Variants in MTNR1B observed in about 807,000 individuals in gnomAD.
MTNR1B encodes the protein melatonin receptor 1B.
Under a neutral mutation model 7.0 loss-of-function variants are expected in MTNR1B, and 7 were observed. The observed-to-expected ratio is 1.00, with a 90% CI of 0.57 to 1.88. MTNR1B has a LOEUF of 1.88. Ranked by LOEUF, MTNR1B falls within the 40% of genes most tolerant of loss-of-function variation. The pLI, the probability that MTNR1B is intolerant of heterozygous loss-of-function variation, is 0.00. For synonymous variants in MTNR1B, 226 were observed against 208.2 expected, an observed-to-expected ratio of 1.09 and a Z score of -0.74; for missense variants, 478 against 486.5, an observed-to-expected ratio of 0.98 and a Z score of 0.16.
At chr11:92,977,665 C>A (rs1053078426) in intron 1 of MTNR1B, among the ~76,000 whole-genome samples, 1 of 152,178 alleles carries the variant, frequency 6.6e-6, no homozygotes, top group African/African-American at 2.4e-5. Context: ...TTGTTCTGGC[C>A]TTTCTTCCAG....
chr11:92,975,342 G>A (rs771902157), intron 1 of MTNR1B, among the ~76,000 whole-genome samples: 36 of 152,214 alleles, frequency 2.4e-4, no homozygotes, highest in Non-Finnish European at 5.1e-4. Flanking sequence ...GAGGTTTAGT[G>A]AGTGCACGAA....
At chr11:92,978,240 A>G (rs1268951651) in intron 1 of MTNR1B, among the ~76,000 whole-genome samples, 1 of 152,202 alleles carries the variant, frequency 6.6e-6, no homozygotes, top group Non-Finnish European at 1.5e-5. Context: ...GCTCTTTCCT[A>G]GATTACCAGA....
chr11:92,969,894 G>A lies in MTNR1B; in HGVS notation c.169G>A (p.Gly57Ser). 1.2e-6 allele frequency: 2 copies of A among 1,612,390 alleles called. No individual in the cohort carries two copies. Among genetic ancestry groups the A allele is most frequent in the Non-Finnish European group, 8.5e-7 (1 of 1,179,678 alleles). The change falls in exon 1 of 2, where the codon GGC becomes AGC. Residue 57 changes from glycine (G) to serine (S), a missense_variant. Transcript: ENST00000257068. ...LIVTTAVDVVGNLLVILSVLR... is the reference protein window; with the variant it reads ...LIVTTAVDVVSNLLVILSVLR... ...CGTCACCACCGCCGTGGACGTCGTG[G>A]GCAACCTCCTGGTGATCCTCTCCGT... is the stretch of plus-strand genomic sequence containing the variant.
chr11:92,970,363 T>C (rs1857905595), intron 1 of MTNR1B, among the ~76,000 whole-genome samples: 1 of 152,220 alleles, frequency 6.6e-6, no homozygotes, highest in Non-Finnish European at 1.5e-5. Flanking sequence ...TAGCTTTATG[T>C]AGTAGTCGCT....
At chr11:92,972,692 G>C in intron 1 of MTNR1B, 2 of 372,092 alleles carry the variant, frequency 5.4e-6, no homozygotes, top group Admixed American at 6.4e-5. Flanking sequence ...GCTTCCCAGG[G>C]ACTTGCCACA....
intron 1 of MTNR1B, among the ~76,000 whole-genome samples, chr11:92,970,358 T>A (rs1173001064): frequency 6.6e-6 from 1 of 152,294 alleles, no homozygotes; most frequent in Non-Finnish European, 1.5e-5. Flanking sequence ...CACTGTAGCT[T>A]TATGTAGTAG....
In MTNR1B at chr11:92,981,957, G is replaced by A. The variant is rs757101924; in HGVS notation, c.734G>A (p.Ser245Asn). Residue 245 changes from serine to asparagine, a missense_variant, in exon 2 of 2, where the codon AGC (serine) becomes AAC (asparagine). By Grantham distance (46) the Ser-to-Asn change is conservative. Coordinates refer to ENST00000257068, the MANE Select transcript of MTNR1B (RefSeq NM_005959.5). ...KPESRLCLKP[S>N]DLRSFLTMFV... ...GAGAGCAGGCTGTGCCTGAAGCCCAGCGACTTGCGGAGCTTTCTAACCATG... is the reference window on the plus strand; with the variant it reads ...GAGAGCAGGCTGTGCCTGAAGCCCAACGACTTGCGGAGCTTTCTAACCATG... 6.2e-7 allele frequency: 1 copy of A among 1,614,238 alleles called. No homozygotes were observed. Among genetic ancestry groups the A allele is most frequent in the South Asian group, 1.1e-5 (1 of 91,090 alleles).
chr11:92,970,029 G>A (rs1857900495), intron 1 of MTNR1B, 81 bp downstream of exon 1: 3 of 1,391,468 alleles, frequency 2.2e-6, no homozygotes, highest in Admixed American at 2.4e-5. Context: ...CGGGATATGC[G>A]CTGCCTTTTC....
intron 1 of MTNR1B, among the ~76,000 whole-genome samples, chr11:92,976,864 G>A (rs1460878767): frequency 6.6e-6 from 1 of 152,128 alleles, no homozygotes; most frequent in Admixed American, 6.5e-5. Flanking sequence ...CACAAACTGG[G>A]TGTCTGTTTC....
Position 92,969,664 on chromosome 11 carries a change from C to T in MTNR1B, c.-62C>T, listed in dbSNP as rs1857887480. On this transcript the variant is annotated 5_prime_UTR_variant, in exon 1 of 2. Transcript: ENST00000257068. Reference sequence around the variant, plus strand: ...GAAGAGAGCGCCCGGCTCAGTACTGCGCGCGCCCTGCGGCTGTCCGGGGCC... The same window carrying T: ...GAAGAGAGCGCCCGGCTCAGTACTGTGCGCGCCCTGCGGCTGTCCGGGGCC... 3.6e-6 allele frequency: 5 copies of T among 1,370,222 alleles called. No individual in the cohort carries two copies. The highest frequency in any genetic ancestry group is 5.8e-5 in the East Asian group (2 of 34,296). 84.9% of individuals were successfully genotyped at this position (1,370,222 alleles called of 1,614,324 possible). A position where few individuals can be genotyped will look rare whatever the true frequency, so the allele number is the denominator to read the frequency against.
chr11:92,978,370 T>C (rs187558502), intron 1 of MTNR1B, among the ~76,000 whole-genome samples: 185 of 152,356 alleles, frequency 1.2e-3, no homozygotes, highest in African/African-American at 4.3e-3. Flanking sequence ...GGGGATTCCA[T>C]GTTAGTAAAC....
In MTNR1B at chr11:92,969,869, C is replaced by G. The variant is rs144231044; in HGVS notation, c.144C>G (p.Ile48Met). ...CTCCAGCGCTGTCCGCGGTGCTCAT[C>G]GTCACCACCGCCGTGGACGTCGTGG... ...WVAPALSAVL[I>M]VTTAVDVVGN... Residue 48 changes from isoleucine to methionine, a missense_variant, in exon 1 of 2, where the codon ATC becomes ATG. Ile to Met is a conservative substitution (Grantham distance 10). Coordinates refer to ENST00000257068, the MANE Select transcript of MTNR1B (RefSeq NM_005959.5). 3 of 1,611,854 alleles carry G rather than the reference C, an allele frequency of 1.9e-6. No individual in the cohort carries two copies. In the Admixed American group the frequency reaches 5.0e-5, roughly 27 times the overall value.
At chr11:92,976,664 C>CTTG (rs1842084285) in intron 1 of MTNR1B, among the ~76,000 whole-genome samples, 1 of 152,204 alleles carries the variant, frequency 6.6e-6, no homozygotes, top group African/African-American at 2.4e-5. Flanking sequence ...AGAATTTGTT[C>CTTG]TTGTTAATGT....
At position 92,982,654 on chromosome 11, in the gene MTNR1B, C is replaced by T; in HGVS notation, c.*342C>T. 2 of 292,832 alleles carry T rather than the reference C, an allele frequency of 6.8e-6. No homozygotes were observed. The highest frequency in any genetic ancestry group is 1.3e-5 in the Non-Finnish European group (2 of 157,492). The allele number at this position is 292,832 out of a possible 1,614,324, so 18.1% of individuals were successfully genotyped here. A position where few individuals can be genotyped will look rare whatever the true frequency, so the allele number is the denominator to read the frequency against. On this transcript the variant is annotated 3_prime_UTR_variant, in exon 2 of 2. Transcript: ENST00000257068. ...GACCCTCATCCTCCTGCCTTGGCCT[C>T]CTGGCTGCTTTCTCCCCTTCCCCCC... is the stretch of plus-strand genomic sequence containing the variant.
chr11:92,970,211 G>A (rs993672056), intron 1 of MTNR1B, among the ~76,000 whole-genome samples: 1 of 152,172 alleles, frequency 6.6e-6, no homozygotes, highest in African/African-American at 2.4e-5. Context: ...GCCGGGCGCC[G>A]GCGCTGTGGG....
In MTNR1B at chr11:92,969,737, C is replaced by A. The variant is rs759855702; in HGVS notation, c.12C>A (p.Asn4Lys). 6.7e-7 allele frequency: 1 copy of A among 1,484,674 alleles called. No individual in the cohort carries two copies. 92.0% of individuals were successfully genotyped at this position (1,484,674 alleles called of 1,614,324 possible). MSENGSFANCCEAG... is the reference protein window; with the variant it reads MSEKGSFANCCEAG... The stretch of plus-strand genomic sequence containing the variant: ...CGGGAGAGTCTGCGATGTCAGAGAA[C>A]GGCTCCTTCGCCAACTGCTGCGAGG... Residue 4 changes from asparagine to lysine, a missense_variant, in exon 1 of 2, where the codon AAC becomes AAA. Asn to Lys is a moderately conservative substitution (Grantham distance 94, BLOSUM62 0). Transcript: ENST00000257068.
chr11:92,973,598 A>C (rs183506675), intron 1 of MTNR1B, among the ~76,000 whole-genome samples: 4 of 151,314 alleles, frequency 2.6e-5, no homozygotes, highest in Non-Finnish European at 5.9e-5. Flanking sequence ...TCCTCCTTCA[A>C]CTCCTTCCCC....
In MTNR1B at chr11:92,981,590, A is replaced by G. The variant is rs760064786; in HGVS notation, c.367A>G (p.Ser123Gly). ...CKASAFVMGLSVIGSVFNITA... is the reference protein window; with the variant it reads ...CKASAFVMGLGVIGSVFNITA... ...GGCCAGCGCCTTTGTGATGGGCCTG[A>G]GCGTCATCGGCTCTGTCTTCAATAT... Residue 123 changes from serine to glycine, a missense_variant, in exon 2 of 2, where the codon AGC becomes GGC. Ser to Gly is a moderately conservative substitution (Grantham distance 56). Transcript: ENST00000257068. The G allele has an allele frequency of 6.2e-7, 1 of 1,614,094 alleles. No individual in the cohort carries two copies. Among genetic ancestry groups the G allele is most frequent in the East Asian group, 2.2e-5 (1 of 44,862 alleles).
downstream of MTNR1B, among the ~76,000 whole-genome samples, chr11:92,984,467 C>CTCTTTGAGCT (rs113887439): frequency 0.61 from 93,110 of 151,422 alleles, 29,100 homozygotes; most frequent in African/African-American, 0.7. Flanking sequence ...CCTAAGGATT[C>CTCTTTGAGCT]TCAGCCACTT....
Sources: allele counts gnomAD v4.1 joint callset (sites outside exome capture counted in the v4.1 genomes callset), GRCh38; gene constraint gnomAD v4.1.1; transcripts MANE v1.5; gene names NCBI Gene and HGNC (gene_info 2026-07-23, HGNC 2026-07-21).